BLK: variants seen among roughly 807,000 people sequenced by gnomAD.
BLK encodes the protein BLK proto-oncogene, Src family tyrosine kinase.
A neutral mutation model predicts 61.8 loss-of-function variants in BLK; 64 were observed. The observed-to-expected ratio is 1.03, with a 90% CI of 0.85 to 1.27. The LOEUF (loss-of-function observed/expected upper bound fraction) is 1.27, where lower values mean the gene tolerates loss of function less well. BLK is among the 50% of genes most tolerant of loss of function. The pLI is 0.00. For synonymous variants in BLK, 351 were observed against 272.0 expected (o/e 1.29, Z -2.86); for missense variants, 853 against 660.5 (o/e 1.29, Z -3.19).
At chr8:11,560,182 CATGG>C (rs1167659682) in intron 10 of BLK, among the ~76,000 whole-genome samples, 50 of 41,114 alleles carry the variant, frequency 1.2e-3, no homozygotes, top group South Asian at 6.1e-3. Context: ...TGGATGGATG[CATGG>C]ATGGATGGAT....
At chr8:11,533,376 C>T (rs1563100597) in intron 1 of BLK, among the ~76,000 whole-genome samples, 1 of 152,176 alleles carries the variant, frequency 6.6e-6, no homozygotes, top group Non-Finnish European at 1.5e-5. Flanking sequence ...CTTACACATT[C>T]CACCTCTGGG....
intron 1 of BLK, among the ~76,000 whole-genome samples, chr8:11,512,237 C>T (rs1055963324): frequency 5.9e-5 from 9 of 152,172 alleles, no homozygotes; most frequent in East Asian, 1.9e-4. Flanking sequence ...TGGATGACCT[C>T]GTGAACGAAG....
intron 1 of BLK, among the ~76,000 whole-genome samples, chr8:11,531,045 G>A (rs1345380931): frequency 6.6e-6 from 1 of 152,142 alleles, no homozygotes; most frequent in Non-Finnish European, 1.5e-5. Flanking sequence ...CTGGGTGGTT[G>A]TGTGGTGGCA....
intron 1 of BLK, among the ~76,000 whole-genome samples, chr8:11,538,868 G>C (rs1419421307): frequency 1.1e-4 from 17 of 152,128 alleles, no homozygotes; most frequent in Non-Finnish European, 2.1e-4. Context: ...ATGCTCCTCT[G>C]TTGCTGGGCA....
In BLK at chr8:11,562,980, G is replaced by C. The variant is rs1462479075; in HGVS notation, c.1182G>C (p.Gly394=). The C allele has an allele frequency of 2.5e-6, 4 of 1,613,914 alleles. No individual in the cohort carries two copies. The highest frequency in any genetic ancestry group is 3.4e-6 in the Non-Finnish European group (4 of 1,180,020). Reference sequence around the variant, plus strand: ...AAGCTTGCATGGCTTTTCCCACAGGGGCCAAGTTCCCCATCAAGTGGACAG... The same window carrying C: ...AAGCTTGCATGGCTTTTCCCACAGGCGCCAAGTTCCCCATCAAGTGGACAG... The part of the protein sequence containing the change: ...IIDSEYTAQE[G]AKFPIKWTAP... Residue 394 remains glycine, a splice_region_variant and synonymous_variant, in exon 12 of 13, where the codon GGG becomes GGC. Transcript: ENST00000259089.
chr8:11,560,708 G>A (rs1801468029), intron 10 of BLK: 1 of 377,220 alleles, frequency 2.7e-6, no homozygotes, highest in South Asian at 1.9e-5. Flanking sequence ...TGCTCCCTGG[G>A]TGCCCCCACG....
At chr8:11,515,301 C>T (rs1281855554) in intron 1 of BLK, among the ~76,000 whole-genome samples, 1 of 152,174 alleles carries the variant, frequency 6.6e-6, no homozygotes, top group Non-Finnish European at 1.5e-5. Context: ...CAAGCTTGAC[C>T]TCCGTCAGTC....
At chr8:11,509,637 C>G (rs1471661108) in intron 1 of BLK, 2 of 152,156 alleles carry the variant, frequency 1.3e-5, no homozygotes, top group African/African-American at 4.8e-5. Flanking sequence ...GCCTAATCAC[C>G]AGAGAAGCCA....
At chr8:11,513,560 G>A (rs140435940) in intron 1 of BLK, among the ~76,000 whole-genome samples, 102 of 152,294 alleles carry the variant, frequency 6.7e-4, no homozygotes, top group Middle Eastern at 3.4e-3. Context: ...CTGAATGTTA[G>A]GGCTGGAGGC....
At chr8:11,506,158 T>G (rs1060701) in intron 1 of BLK, among the ~76,000 whole-genome samples, 36,833 of 152,112 alleles carry the variant, frequency 0.24, 7,910 homozygotes, top group African/African-American at 0.58. Context: ...CGCAGAAGGT[T>G]ACCAGCCTGG....
At chr8:11,531,978 C>T (rs1016611980) in intron 1 of BLK, among the ~76,000 whole-genome samples, 1 of 151,928 alleles carries the variant, frequency 6.6e-6, no homozygotes, top group Non-Finnish European at 1.5e-5. Flanking sequence ...TCTGCATCAG[C>T]CTCCCAAGTA....
intron 1 of BLK, among the ~76,000 whole-genome samples, chr8:11,521,411 C>T (rs1378804891): frequency 6.6e-6 from 1 of 152,198 alleles, no homozygotes; most frequent in African/African-American, 2.4e-5. Context: ...CCATCTAAGC[C>T]TCCCGAGTAG....
At chr8:11,507,789 G>A (rs1010849112) in intron 1 of BLK, among the ~76,000 whole-genome samples, 1 of 152,178 alleles carries the variant, frequency 6.6e-6, no homozygotes, top group African/African-American at 2.4e-5. Flanking sequence ...GGCCAGGAGA[G>A]CAGGGAAGAG....
intron 8 of BLK, chr8:11,556,092 G>A (rs1436842418): frequency 4.4e-6 from 1 of 227,016 alleles, no homozygotes; most frequent in Non-Finnish European, 8.8e-6. Context: ...CGGTGCTTTT[G>A]GCAGGAGCTG....
chr8:11,559,381 A>AT (rs1801376493), intron 10 of BLK, among the ~76,000 whole-genome samples: 1 of 127,898 alleles, frequency 7.8e-6, no homozygotes, highest in Non-Finnish European at 1.7e-5. Context: ...AGACACGCAA[A>AT]CTCACACACA....
intron 1 of BLK, among the ~76,000 whole-genome samples, chr8:11,496,055 T>C (rs958599036): frequency 6.6e-6 from 1 of 152,240 alleles, no homozygotes; most frequent in Non-Finnish European, 1.5e-5. Context: ...TGATCACACC[T>C]TCTCTTTGAA....
intron 11 of BLK, 116 bp from the exon 12 acceptor site, chr8:11,562,863 T>G: frequency 6.8e-7 from 1 of 1,467,034 alleles, no homozygotes; most frequent in Non-Finnish European, 9.4e-7. Context: ...CCCCGCCCTG[T>G]GAGGCCCCGC....
At chr8:11,514,051 G>T (rs922059606) in intron 1 of BLK, among the ~76,000 whole-genome samples, 3 of 152,208 alleles carry the variant, frequency 2.0e-5, no homozygotes, top group African/African-American at 7.2e-5. Flanking sequence ...AATGACACAG[G>T]ATCTGCCAAG....
intron 1 of BLK, among the ~76,000 whole-genome samples, chr8:11,516,388 C>A (rs1799226646): frequency 6.6e-6 from 1 of 152,192 alleles, no homozygotes; most frequent in Non-Finnish European, 1.5e-5. Context: ...GGTCTCACGA[C>A]CGCCCTTCCC....
Sources: allele counts gnomAD v4.1 joint callset (sites outside exome capture counted in the v4.1 genomes callset), GRCh38; gene constraint gnomAD v4.1.1; transcripts MANE v1.5; gene names NCBI Gene and HGNC (gene_info 2026-07-23, HGNC 2026-07-21).